DYNC2LI1: variants seen among roughly 807,000 people sequenced by gnomAD.
DYNC2LI1 encodes dynein cytoplasmic 2 light intermediate chain 1, also known as cytoplasmic dynein 2 light intermediate chain 1.
A neutral mutation model predicts 51.9 loss-of-function variants in DYNC2LI1; 45 were observed. The ratio of observed to expected loss-of-function variants is 0.87; its 90% CI spans 0.68 to 1.11. The LOEUF (loss-of-function observed/expected upper bound fraction) is 1.11, where lower values mean the gene tolerates loss of function less well. Ranked by LOEUF, DYNC2LI1 falls within the 50% of genes most tolerant of loss-of-function variation. The pLI is 0.00. For missense variants in DYNC2LI1, 490 were observed against 417.4 expected (o/e 1.17, Z -1.51); for synonymous variants, 130 against 137.8 (o/e 0.94, Z 0.40).
At chr2:43,795,020 G>A (rs1673968472) in intron 6 of DYNC2LI1, 2 of 1,121,542 alleles carry the variant, frequency 1.8e-6, no homozygotes, top group South Asian at 7.1e-5. Flanking sequence ...AAGGGGTAGA[G>A]TTGTAATAGC....
chr2:43,824,878 G>T, the DYNC2LI1 span: 1 of 1,613,712 alleles, frequency 6.2e-7, no homozygotes, highest in Non-Finnish European at 8.5e-7. Flanking sequence ...GAATGTGAAA[G>T]AAAAACTTAC....
At chr2:43,788,673 A>G (rs1189555667) in intron 4 of DYNC2LI1, among the ~76,000 whole-genome samples, 2 of 152,180 alleles carry the variant, frequency 1.3e-5, no homozygotes, top group Admixed American at 1.3e-4. Flanking sequence ...AGGCTGGAGT[A>G]CAGTGGCAGG....
At chr2:43,828,214 A>G in the DYNC2LI1 span, 6 of 1,557,552 alleles carry the variant, frequency 3.9e-6, no homozygotes, top group Non-Finnish European at 5.2e-6. Context: ...ACACCGCCCA[A>G]GAATCCAAGG....
At chr2:43,784,306 C>T (rs905207634) in intron 3 of DYNC2LI1, among the ~76,000 whole-genome samples, 1 of 152,194 alleles carries the variant, frequency 6.6e-6, no homozygotes, top group Non-Finnish European at 1.5e-5. Context: ...ATTATCTTTC[C>T]ATATCCAGGA....
At chr2:43,786,606 C>G (rs1210702812) in intron 3 of DYNC2LI1, among the ~76,000 whole-genome samples, 1 of 152,086 alleles carries the variant, frequency 6.6e-6, no homozygotes, top group Non-Finnish European at 1.5e-5. Flanking sequence ...TCGAGACCAT[C>G]CTGGTCAGGA....
At chr2:43,825,091 C>G in the DYNC2LI1 span, 1 of 1,576,746 alleles carries the variant, frequency 6.3e-7, no homozygotes, top group Admixed American at 1.8e-5. Context: ...TCTGGGAACA[C>G]TGATGCAGGG....
intron 2 of DYNC2LI1, among the ~76,000 whole-genome samples, chr2:43,777,716 T>G (rs2104657674): frequency 6.6e-6 from 1 of 152,348 alleles, no homozygotes; most frequent in South Asian, 2.1e-4. Flanking sequence ...CTGGGCAACG[T>G]CAGCGCCCAG....
chr2:43,815,027 T>C, the DYNC2LI1 span, among the ~76,000 whole-genome samples: 79 of 152,286 alleles, frequency 5.2e-4, no homozygotes, highest in African/African-American at 1.7e-3. Context: ...CTTATTTTGG[T>C]AAGCACTACT....
chr2:43,780,882 A>G (rs990751863), intron 2 of DYNC2LI1, among the ~76,000 whole-genome samples: 5 of 152,120 alleles, frequency 3.3e-5, no homozygotes, highest in Non-Finnish European at 5.9e-5. Context: ...TACTAGGTCA[A>G]TGTTTCTTGA....
chr2:43,801,789 C>A, intron 10 of DYNC2LI1, 80 bp downstream of exon 10: 2 of 980,794 alleles, frequency 2.0e-6, no homozygotes, highest in Non-Finnish European at 3.1e-6. Flanking sequence ...ACTTTGTCTC[C>A]AACATACTCC....
chr2:43,796,613 G>A, intron 7 of DYNC2LI1, 105 bp from the exon 8 acceptor site: 6 of 802,146 alleles, frequency 7.5e-6, no homozygotes, highest in Non-Finnish European at 9.8e-6. Context: ...TCCTGAAAGT[G>A]AGTTTAAAAA....
At chr2:43,812,158 C>T (rs1057234984), downstream of DYNC2LI1, among the ~76,000 whole-genome samples, 1 of 152,070 alleles carries the variant, frequency 6.6e-6, no homozygotes, top group African/African-American at 2.4e-5. Flanking sequence ...TTAAGCGATC[C>T]TTCCACATCA....
intron 1 of DYNC2LI1, chr2:43,775,771 T>A: frequency 2.7e-6 from 1 of 369,456 alleles, no homozygotes; most frequent in Non-Finnish European, 5.3e-6. Flanking sequence ...CAATACAACA[T>A]CCACCTCCTG....
the DYNC2LI1 span, chr2:43,828,153 C>G: frequency 6.2e-7 from 1 of 1,613,130 alleles, no homozygotes; most frequent in Non-Finnish European, 8.5e-7. Flanking sequence ...CTGGGAGTCT[C>G]TGTGGCTGCT....
chr2:43,786,107 T>G (rs181142216), intron 3 of DYNC2LI1, among the ~76,000 whole-genome samples: 12 of 152,368 alleles, frequency 7.9e-5, no homozygotes, highest in Admixed American at 4.6e-4. Context: ...CTTGTTGATA[T>G]AATTTATTAA....
chr2:43,824,022 C>G, the DYNC2LI1 span: 1 of 1,614,160 alleles, frequency 6.2e-7, no homozygotes, highest in Non-Finnish European at 8.5e-7. Flanking sequence ...TTCGGACCCG[C>G]AGAACGAAGA....
rs1267138435 is a variant in DYNC2LI1, at chr2:43,800,895, T to C, written c.709T>C (p.Leu237=). The C allele has an allele frequency of 1.2e-6, 2 of 1,603,366 alleles. No individual in the cohort carries two copies. The highest frequency in any genetic ancestry group is 3.4e-5 in the Admixed American group (2 of 58,516). The change falls in exon 9 of 13, where the codon TTG becomes CTG. Residue 237 remains leucine, a synonymous_variant. Coordinates refer to ENST00000260605, the MANE Select transcript of DYNC2LI1 (RefSeq NM_016008.4). ...LLKIRGVINQ[L]AFGIDKSKSI... Reference sequence around the variant, plus strand: ...AAAAATACGTGGAGTTATCAACCAGTTGGCATTTGGCATTGACAAAAGGTA... The same window carrying C: ...AAAAATACGTGGAGTTATCAACCAGCTGGCATTTGGCATTGACAAAAGGTA...
At chr2:43,812,274 G>A (rs536414404), downstream of DYNC2LI1, among the ~76,000 whole-genome samples, 200 of 150,930 alleles carry the variant, frequency 1.3e-3, 1 homozygote, top group African/African-American at 4.4e-3. Context: ...GCCTTAATGG[G>A]GTTATTTCTC....
intron 1 of DYNC2LI1, among the ~76,000 whole-genome samples, chr2:43,774,785 T>C (rs1205086967): frequency 6.6e-6 from 1 of 151,586 alleles, no homozygotes; most frequent in Non-Finnish European, 1.5e-5. Flanking sequence ...CAAGGGATAA[T>C]TGGTTAGTTA....
Sources: gnomAD v4.1 joint callset for allele counts (sites outside exome capture counted in the v4.1 genomes callset) on GRCh38, gnomAD v4.1.1 for gene constraint, MANE v1.5 for transcripts, NCBI Gene and HGNC (gene_info 2026-07-23, HGNC 2026-07-21) for gene names.